The following KCNJ15 variants were observed in gnomAD, a reference collection of about 807,000 sequenced individuals.
KCNJ15 encodes the protein ATP-sensitive inward rectifier potassium channel 15.
In KCNJ15, 14 loss-of-function variants were observed where a neutral mutation model predicts 23.0. The observed-to-expected ratio is 0.61, with a 90% CI of 0.40 to 0.95. The LOEUF is 0.95. Ranked by LOEUF, KCNJ15 falls within the 40% of genes least tolerant of loss-of-function variation. The pLI, the probability that KCNJ15 is intolerant of heterozygous loss-of-function variation, is 0.00. For synonymous variants in KCNJ15, 185 were observed against 183.2 expected (o/e 1.01, Z -0.08); for missense variants, 388 against 461.8 (o/e 0.84, Z 1.46).
intron 1 of KCNJ15, among the ~76,000 whole-genome samples, chr21:38,277,272 C>T (rs112470141): frequency 0.029 from 4,415 of 152,170 alleles, 81 homozygotes; most frequent in Non-Finnish European, 0.038. Flanking sequence ...TTGACTTTGC[C>T]ATGATTCTCA....
rs896504061 is a variant in KCNJ15, at chr21:38,299,964, G to A, written c.703G>A (p.Val235Ile). Residue 235 changes from valine to isoleucine, a missense_variant, in exon 3 of 3, where the codon GTC becomes ATC. By Grantham distance (29) the Val-to-Ile change is conservative. Transcript: ENST00000398938. The surrounding 1 kb of genome is among the most constrained non-coding windows in gnomAD (Gnocchi z 4.5). ...GERILLNQAT[V>I]KFHVDSSSES... is the part of the protein sequence containing the mutation. ...GCGGATTCTCCTCAACCAAGCCACT[G>A]TCAAATTCCACGTGGACTCCTCCTC... The A allele has an allele frequency of 6.2e-7, 1 of 1,614,056 alleles. No homozygotes were observed. The highest frequency in any genetic ancestry group is 8.5e-7 in the Non-Finnish European group (1 of 1,180,022).
In KCNJ15 at chr21:38,301,874, C is replaced by T. The variant is rs2146358500; in HGVS notation, c.*1485C>T. On this transcript the variant is annotated 3_prime_UTR_variant, in exon 3 of 3. Transcript: ENST00000398938. ...ACAAAGACAGATTTGCGCATTCACT[C>T]AAGCAGAATGTGGCCATGAATATTC... The T allele has an allele frequency of 6.0e-6, 1 of 167,002 alleles. No homozygotes were observed. The highest frequency in any genetic ancestry group is 1.9e-4 in the East Asian group (1 of 5,178). 10.3% of individuals were successfully genotyped at this position (167,002 alleles called of 1,614,324 possible).
At chr21:38,273,453 C>T (rs1019724457) in intron 1 of KCNJ15, among the ~76,000 whole-genome samples, 4 of 152,186 alleles carry the variant, frequency 2.6e-5, no homozygotes, top group African/African-American at 9.7e-5. Flanking sequence ...TCCTTTTCTC[C>T]CAATGTTCAG....
chr21:38,240,214 G>A (rs1217960821), intron 1 of KCNJ15, among the ~76,000 whole-genome samples: 2 of 151,988 alleles, frequency 1.3e-5, no homozygotes, highest in Non-Finnish European at 2.9e-5. Context: ...TAGCATTGCA[G>A]GTGGCTAACC....
intron 1 of KCNJ15, among the ~76,000 whole-genome samples, chr21:38,232,476 T>C (rs1347890378): frequency 1.3e-5 from 2 of 151,870 alleles, no homozygotes; most frequent in Non-Finnish European, 3.0e-5. Context: ...TGTATTACTT[T>C]CTTATGCTTA....
Position 38,307,157 on chromosome 21 carries a change from C to T in KCNJ15, c.*6768C>T, listed in dbSNP as rs183045220. The T allele has an allele frequency of 6.6e-6, 1 of 152,230 alleles. No individual in the cohort carries two copies. The highest frequency in any genetic ancestry group is 6.5e-5 in the Admixed American group (1 of 15,282). The allele number at this position is 152,230 out of a possible 1,614,324, so 9.4% of individuals were successfully genotyped here. ...AAATCTCACACTAACTGTGGATACTCTGTCATCACTGAACCCAATCATACA... is the reference window on the plus strand; with the variant it reads ...AAATCTCACACTAACTGTGGATACTTTGTCATCACTGAACCCAATCATACA... On this transcript the variant is annotated 3_prime_UTR_variant, in exon 3 of 3. Coordinates refer to ENST00000398938, the MANE Select transcript of KCNJ15 (RefSeq NM_170736.3).
intron 1 of KCNJ15, among the ~76,000 whole-genome samples, chr21:38,240,203 G>A (rs577512858): frequency 5.3e-5 from 8 of 152,010 alleles, no homozygotes; most frequent in African/African-American, 9.7e-5. Flanking sequence ...GACTCCCATC[G>A]TAGCATTGCA....
At chr21:38,260,056 T>A (rs1482050293) in intron 1 of KCNJ15, among the ~76,000 whole-genome samples, 2 of 152,236 alleles carry the variant, frequency 1.3e-5, no homozygotes, top group Non-Finnish European at 2.9e-5. Flanking sequence ...TTTATAAACA[T>A]TTAGGAAATG....
rs1985477547 is a variant in KCNJ15 at position 38,299,153 on chromosome 21, G to C, written c.-18-91G>C. ...ATTCTCCTTTCTTGTGTACTTCCAT[G>C]TACATTCATACTTACTTCACATGAT... On this transcript the variant is annotated intron_variant, in intron 2 of 2. Transcript: ENST00000398938. The surrounding 1 kb of genome is among the most constrained non-coding windows in gnomAD (Gnocchi z 4.5). 2.0e-6 allele frequency: 2 copies of C among 989,078 alleles called. No individual in the cohort carries two copies. The highest frequency in any genetic ancestry group is 3.0e-6 in the Non-Finnish European group (2 of 656,576). 61.3% of individuals were successfully genotyped at this position (989,078 alleles called of 1,614,324 possible).
intron 1 of KCNJ15, among the ~76,000 whole-genome samples, chr21:38,292,517 A>G (rs1984708638): frequency 6.6e-6 from 1 of 152,190 alleles, no homozygotes; most frequent in South Asian, 2.1e-4. Flanking sequence ...AAATGTAAAT[A>G]TTGACTCAGA....
rs780437505 is a variant in KCNJ15 at position 38,300,081 on chromosome 21, GAGA to G, written c.823_825del (p.Lys275del). The G allele has an allele frequency of 1.2e-6, 2 of 1,614,148 alleles. No homozygotes were observed. The highest frequency in any genetic ancestry group is 4.5e-5 in the East Asian group (2 of 44,872). Reference sequence around the variant, plus strand: ...AGACCTCACACCCCAAAACCTAAAGGAGAAGGAGTTTGAGCTTGTGGTCCTCCT... The same window carrying G: ...AGACCTCACACCCCAAAACCTAAAGGAGGAGTTTGAGCTTGTGGTCCTCCT... On this transcript the variant is annotated inframe_deletion, in exon 3 of 3. Transcript: ENST00000398938.
chr21:38,293,222 C>T (rs1184680711), intron 1 of KCNJ15, among the ~76,000 whole-genome samples: 2 of 152,080 alleles, frequency 1.3e-5, no homozygotes, highest in Non-Finnish European at 2.9e-5. Context: ...AAGTTTCCTT[C>T]TTCCCACTTA....
At chr21:38,241,508 T>G (rs953203602) in intron 1 of KCNJ15, among the ~76,000 whole-genome samples, 2 of 152,204 alleles carry the variant, frequency 1.3e-5, no homozygotes, top group Non-Finnish European at 2.9e-5. Context: ...GCAAATGAAC[T>G]TGGCCTCTTA....
intron 1 of KCNJ15, among the ~76,000 whole-genome samples, chr21:38,264,880 G>T (rs1404165300): frequency 6.6e-6 from 1 of 152,146 alleles, no homozygotes. Flanking sequence ...AAAACATGCA[G>T]GTTATTTTGG....
At chr21:38,239,852 A>G (rs552106904) in intron 1 of KCNJ15, among the ~76,000 whole-genome samples, 8 of 152,318 alleles carry the variant, frequency 5.3e-5, no homozygotes, top group East Asian at 3.9e-4. Flanking sequence ...GAAACAGGAC[A>G]TTTTTGCCAT....
chr21:38,299,508 G>C lies in KCNJ15; in HGVS notation c.247G>C (p.Val83Leu). ...TFVMTWFLFG[V>L]IYYAIAFIHG... ...TGTGATGACCTGGTTCCTTTTTGGAGTCATCTACTATGCCATCGCGTTTAT... is the reference window on the plus strand; with the variant it reads ...TGTGATGACCTGGTTCCTTTTTGGACTCATCTACTATGCCATCGCGTTTAT... Residue 83 changes from valine to leucine, a missense_variant, in exon 3 of 3, where the codon GTC becomes CTC. Coordinates refer to ENST00000398938, the MANE Select transcript of KCNJ15 (RefSeq NM_170736.3). The surrounding 1 kb of genome is among the most constrained non-coding windows in gnomAD (Gnocchi z 4.5). 6.2e-7 allele frequency: 1 copy of C among 1,614,182 alleles called. No homozygotes were observed. Among genetic ancestry groups the C allele is most frequent in the Non-Finnish European group, 8.5e-7 (1 of 1,180,040 alleles).
intron 1 of KCNJ15, among the ~76,000 whole-genome samples, chr21:38,287,162 T>C (rs1029341232): frequency 2.0e-5 from 3 of 152,180 alleles, no homozygotes; most frequent in African/African-American, 7.2e-5. Flanking sequence ...GACCATAACA[T>C]AAAATGTTAA....
intron 1 of KCNJ15, among the ~76,000 whole-genome samples, chr21:38,284,014 T>C (rs995853106): frequency 5.3e-5 from 8 of 152,160 alleles, no homozygotes; most frequent in African/African-American, 1.9e-4. Context: ...ATGGCTCAAA[T>C]TCCACTCGTT....
intron 1 of KCNJ15, among the ~76,000 whole-genome samples, chr21:38,276,328 C>T (rs1291923609): frequency 6.6e-6 from 1 of 151,852 alleles, no homozygotes; most frequent in Non-Finnish European, 1.5e-5. Flanking sequence ...AATGGCAGCT[C>T]TTAGGAAATG....
Sources: gnomAD v4.1 joint callset for allele counts (sites outside exome capture counted in the v4.1 genomes callset) on GRCh38, gnomAD v4.1.1 for gene constraint, Gnocchi (gnomAD v3.1) non-coding constraint, MANE v1.5 for transcripts, NCBI Gene and HGNC (gene_info 2026-07-23, HGNC 2026-07-21) for gene names.